Variants in KREMEN2 observed in about 807,000 individuals in gnomAD.
The protein encoded by KREMEN2 is kringle containing transmembrane protein 2, also known as kremen protein 2.
In KREMEN2, 43 loss-of-function variants were observed where a neutral mutation model predicts 49.8. That is an observed-to-expected ratio of 0.86 (90% CI 0.68 to 1.11). KREMEN2 has a LOEUF of 1.11. KREMEN2 is among the 50% of genes most tolerant of loss of function. The pLI is 0.00. For missense variants in KREMEN2, 686 were observed against 665.7 expected (o/e 1.03, Z -0.34); for synonymous variants, 355 against 304.9 (o/e 1.16, Z -1.71).
rs1308137386 is a variant in KREMEN2, at chr16:2,967,991, T to C, written c.1360T>C (p.Ser454Pro). The change falls in exon 9 of 9, where the codon TCC becomes CCC. Residue 454 changes from serine to proline, a missense_variant. Ser to Pro is a moderately conservative substitution (Grantham distance 74). Coordinates refer to ENST00000303746, the MANE Select transcript of KREMEN2 (RefSeq NM_172229.3). Reference sequence around the variant, plus strand: ...GCCTCTGAGTGCCTCCAGCCAGAGCTCCCTGCGCTCGCTCATCTCCGCTCT... The same window carrying C: ...GCCTCTGAGTGCCTCCAGCCAGAGCCCCCTGCGCTCGCTCATCTCCGCTCT... ...YRPLSASSQSSLRSLISAL is the reference protein window; with the variant it reads ...YRPLSASSQSPLRSLISAL The C allele has an allele frequency of 3.2e-6, 5 of 1,575,858 alleles. No individual in the cohort carries two copies. Among genetic ancestry groups the C allele is most frequent in the Non-Finnish European group, 4.3e-6 (5 of 1,166,986 alleles).
Position 2,966,942 on chromosome 16 carries a change from G to A in KREMEN2, c.673G>A (p.Ala225Thr). 1 of 1,553,790 alleles carries A rather than the reference G, an allele frequency of 6.4e-7. No homozygotes were observed. The highest frequency in any genetic ancestry group is 8.7e-7 in the Non-Finnish European group (1 of 1,148,148). ...GGGCTCCTGCCAGGGGAACTGGACAGCGCCTCAGGGCGTCATCTACTCCCC... is the reference window on the plus strand; with the variant it reads ...GGGCTCCTGCCAGGGGAACTGGACAACGCCTCAGGGCGTCATCTACTCCCC... ...SVGSCQGNWTAPQGVIYSPDF... is the reference protein window; with the variant it reads ...SVGSCQGNWTTPQGVIYSPDF... The change falls in exon 6 of 9, where the codon GCG becomes ACG. Residue 225 changes from alanine (A) to threonine (T), a missense_variant. Coordinates refer to ENST00000303746, the MANE Select transcript of KREMEN2 (RefSeq NM_172229.3). The surrounding 1 kb of genome is among the most constrained non-coding windows in gnomAD (Gnocchi z 8.4).
Position 2,966,960 on chromosome 16 carries a change from T to TACTCCCCGG in KREMEN2, c.695_703dup (p.Ser232_Asp234dup). The TACTCCCCGG allele has an allele frequency of 6.4e-7, 1 of 1,557,476 alleles. No individual in the cohort carries two copies. Among genetic ancestry groups the TACTCCCCGG allele is most frequent in the Non-Finnish European group, 8.7e-7 (1 of 1,150,680 alleles). ...CTGGACAGCGCCTCAGGGCGTCATC[T>TACTCCCCGG]ACTCCCCGGACTTCCCGGACGAGTA... On this transcript the variant is annotated inframe_insertion, in exon 6 of 9. Coordinates refer to ENST00000303746, the MANE Select transcript of KREMEN2 (RefSeq NM_172229.3). The surrounding 1 kb of genome is among the most constrained non-coding windows in gnomAD (Gnocchi z 8.4).
intron 1 of KREMEN2, 32 bp from the exon 2 acceptor site, chr16:2,964,820 TGGGTCCG>T (rs1184238847): frequency 1.2e-5 from 19 of 1,595,658 alleles, no homozygotes; most frequent in Non-Finnish European, 1.6e-5. Context: ...ATGCCCGGCG[TGGGTCCG>T]GACCTCCCCA....
Position 2,966,581 on chromosome 16 carries a change from C to T in KREMEN2, c.487-61C>T, listed in dbSNP as rs1482159455. The T allele has an allele frequency of 1.3e-6, 2 of 1,564,626 alleles. No homozygotes were observed. The highest frequency in any genetic ancestry group is 1.3e-5 in the African/African-American group (1 of 74,258). Reference sequence around the variant, plus strand: ...GCCCGATTCCCACCCCGACCCCAGGCCCCCACCACTTCACCCCTACCCCAG... The same window carrying T: ...GCCCGATTCCCACCCCGACCCCAGGTCCCCACCACTTCACCCCTACCCCAG... On this transcript the variant is annotated intron_variant, in intron 4 of 8. Coordinates refer to ENST00000303746, the MANE Select transcript of KREMEN2 (RefSeq NM_172229.3). This position sits in a 1 kb window ranked among gnomAD's most constrained non-coding sequence, Gnocchi z 8.4.
chr16:2,967,059 G>T lies in KREMEN2; in HGVS notation c.790G>T (p.Glu264Ter). 1 of 1,531,570 alleles carries T rather than the reference G, an allele frequency of 6.5e-7. No homozygotes were observed. Among genetic ancestry groups the T allele is most frequent in the Non-Finnish European group, 8.7e-7 (1 of 1,142,978 alleles). The allele number at this position is 1,531,570 out of a possible 1,614,324, so 94.9% of individuals were successfully genotyped here. A position where few individuals can be genotyped will look rare whatever the true frequency, so the allele number is the denominator to read the frequency against. The change falls in exon 6 of 9, where the codon GAG becomes TAG. Residue 264 changes from glutamate (E) to a stop codon, truncating the protein, a stop_gained. Coordinates refer to ENST00000303746, the MANE Select transcript of KREMEN2 (RefSeq NM_172229.3). LOFTEE classifies it high-confidence loss of function. ...GCTGGAGCTCACCTTCCGCCTCTTC[G>T]AGCTGGCCGACCCGCGCGACCGGCT... ...AALELTFRLF[E>*]LADPRDRLEL... is the part of the protein sequence containing the mutation.
chr16:2,965,210 G>C (rs1567371090), intron 2 of KREMEN2, among the ~76,000 whole-genome samples, 177 bp downstream of exon 2: 1 of 151,912 alleles, frequency 6.6e-6, no homozygotes, highest in Non-Finnish European at 1.5e-5. Context: ...CGGGGCGCGC[G>C]GAACCCTGGC....
chr16:2,964,381 C>A lies in KREMEN2; in HGVS notation c.-140C>A. 1.6e-6 allele frequency: 1 copy of A among 608,756 alleles called. No individual in the cohort carries two copies. Among genetic ancestry groups the A allele is most frequent in the African/African-American group, 1.9e-5 (1 of 51,698 alleles). 37.7% of individuals were successfully genotyped at this position (608,756 alleles called of 1,614,324 possible). On this transcript the variant is annotated 5_prime_UTR_variant, in exon 1 of 9. Coordinates refer to ENST00000303746, the MANE Select transcript of KREMEN2 (RefSeq NM_172229.3). ...CCAGGAGAGATTTACCCACCCCAGA[C>A]GGAAAGCGCGGCTCAGAGTCGGACG...
At chr16:2,965,464 A>C (rs1036055704) in intron 2 of KREMEN2, among the ~76,000 whole-genome samples, 1 of 152,260 alleles carries the variant, frequency 6.6e-6, no homozygotes, top group East Asian at 1.9e-4. Context: ...TCAGGAGCTC[A>C]CTTCTGCTTT....
At chr16:2,967,647 G>C (rs760769487) in intron 8 of KREMEN2, 43 bp downstream of exon 8, 7 of 1,536,612 alleles carry the variant, frequency 4.6e-6, no homozygotes. Flanking sequence ...ACCGGTGGTG[G>C]GGAGCTGGAG....
At chr16:2,967,643 G>C (rs1365054681) in intron 8 of KREMEN2, 39 bp downstream of exon 8, 3 of 1,536,066 alleles carry the variant, frequency 2.0e-6, no homozygotes, top group African/African-American at 1.4e-5. Flanking sequence ...GCGGACCGGT[G>C]GTGGGGAGCT....
At chr16:2,964,757 G>T in intron 1 of KREMEN2, 102 bp from the exon 2 acceptor site, 1 of 1,452,238 alleles carries the variant, frequency 6.9e-7, no homozygotes, top group Non-Finnish European at 9.4e-7. Context: ...GCAGGGGCGG[G>T]TGCGGGGTCG....
In KREMEN2 at chr16:2,967,933, C is replaced by A. The variant is rs756940584; in HGVS notation, c.1302C>A (p.Asp434Glu). 4 of 1,582,044 alleles carry A rather than the reference C, an allele frequency of 2.5e-6. No individual in the cohort carries two copies. Among genetic ancestry groups the A allele is most frequent in the South Asian group, 2.3e-5 (2 of 86,802 alleles). The stretch of plus-strand genomic sequence containing the variant: ...TGGCCTTGCCCTGCTCCCCCGGGGA[C>A]CCCCAGGCTGAGGGTTCTGCCGCGG... ...RGVALPCSPGDPQAEGSAAGY... is the reference protein window; with the variant it reads ...RGVALPCSPGEPQAEGSAAGY... The change falls in exon 9 of 9, where the codon GAC (aspartate) becomes GAA (glutamate). Residue 434 changes from aspartate to glutamate, a missense_variant. Asp to Glu is a conservative substitution (Grantham distance 45). Coordinates refer to ENST00000303746, the MANE Select transcript of KREMEN2 (RefSeq NM_172229.3).
Position 2,967,935 on chromosome 16 carries a change from C to T in KREMEN2, c.1304C>T (p.Pro435Leu). Reference sequence around the variant, plus strand: ...GCCTTGCCCTGCTCCCCCGGGGACCCCCAGGCTGAGGGTTCTGCCGCGGGC... The same window carrying T: ...GCCTTGCCCTGCTCCCCCGGGGACCTCCAGGCTGAGGGTTCTGCCGCGGGC... ...GVALPCSPGD[P>L]QAEGSAAGYR... The change falls in exon 9 of 9, where the codon CCC becomes CTC. Residue 435 changes from proline to leucine, a missense_variant. Coordinates refer to ENST00000303746, the MANE Select transcript of KREMEN2 (RefSeq NM_172229.3). The T allele has an allele frequency of 6.3e-7, 1 of 1,583,406 alleles. No homozygotes were observed. The highest frequency in any genetic ancestry group is 1.2e-5 in the South Asian group (1 of 86,916).
chr16:2,964,483 G>C lies in KREMEN2; in HGVS notation c.-38G>C. Reference sequence around the variant, plus strand: ...AGCGACCCCGGGGGCAGCCCGGGCCGTGTCCGGGCGAGGGTGACCTATCCT... The same window carrying C: ...AGCGACCCCGGGGGCAGCCCGGGCCCTGTCCGGGCGAGGGTGACCTATCCT... On this transcript the variant is annotated 5_prime_UTR_variant, in exon 1 of 9. Transcript: ENST00000303746. 6.8e-7 allele frequency: 1 copy of C among 1,463,708 alleles called. No homozygotes were observed. The highest frequency in any genetic ancestry group is 9.2e-7 in the Non-Finnish European group (1 of 1,085,858). The allele number at this position is 1,463,708 out of a possible 1,614,324, so 90.7% of individuals were successfully genotyped here.
At chr16:2,964,772 C>A in intron 1 of KREMEN2, 87 bp from the exon 2 acceptor site, 1 of 1,509,354 alleles carries the variant, frequency 6.6e-7, no homozygotes, top group South Asian at 1.2e-5. Context: ...GGGTCGCTGG[C>A]TGGGGACCCA....
intron 7 of KREMEN2, 30 bp from the exon 8 acceptor site, chr16:2,967,496 C>T: frequency 6.6e-7 from 1 of 1,517,392 alleles, no homozygotes; most frequent in East Asian, 2.5e-5. Context: ...CCCCCTCGCG[C>T]CCATCCTCAC....
Position 2,967,946 on chromosome 16 carries a change from G to T in KREMEN2, c.1315G>T (p.Gly439Cys), listed in dbSNP as rs745680796. ...CTCCCCCGGGGACCCCCAGGCTGAG[G>T]GTTCTGCCGCGGGCTACCGGCCTCT... ...PCSPGDPQAE[G>C]SAAGYRPLSA... Residue 439 changes from glycine to cysteine, a missense_variant, in exon 9 of 9, where the codon GGT (glycine) becomes TGT (cysteine). Coordinates refer to ENST00000303746, the MANE Select transcript of KREMEN2 (RefSeq NM_172229.3). 1 of 1,585,892 alleles carries T rather than the reference G, an allele frequency of 6.3e-7. No homozygotes were observed.
Position 2,968,358 on chromosome 16 carries a change from T to C in KREMEN2, c.*338T>C. 2 of 1,535,570 alleles carry C rather than the reference T, an allele frequency of 1.3e-6. No homozygotes were observed. Among genetic ancestry groups the C allele is most frequent in the Non-Finnish European group, 1.7e-6 (2 of 1,146,750 alleles). ...ACAGTCAAAAAACCCCCACAGATTT[T>C]GAATAAAGGATCTACTTTGGTACGG... On this transcript the variant is annotated 3_prime_UTR_variant, in exon 9 of 9. Transcript: ENST00000303746.
rs2071883353 is a variant in KREMEN2, at chr16:2,968,319, A to C, written c.*299A>C. 6.6e-7 allele frequency: 1 copy of C among 1,518,952 alleles called. No homozygotes were observed. The highest frequency in any genetic ancestry group is 2.0e-5 in the Admixed American group (1 of 50,942). 94.1% of individuals were successfully genotyped at this position (1,518,952 alleles called of 1,614,324 possible). A position where few individuals can be genotyped will look rare whatever the true frequency, so the allele number is the denominator to read the frequency against. ...GGACTGCCGTCCTCAGTGAGAGGTC[A>C]CAGGTCAGCAAAAACAGTCAAAAAA... On this transcript the variant is annotated 3_prime_UTR_variant, in exon 9 of 9. Transcript: ENST00000303746.
Sources: gnomAD v4.1 joint callset for allele counts (sites outside exome capture counted in the v4.1 genomes callset) on GRCh38, gnomAD v4.1.1 for gene constraint, Gnocchi (gnomAD v3.1) non-coding constraint, MANE v1.5 for transcripts, NCBI Gene and HGNC (gene_info 2026-07-23, HGNC 2026-07-21) for gene names.